HOMER2: variants seen among roughly 807,000 people sequenced by gnomAD.
HOMER2 encodes the protein homer protein homolog 2.
Under a neutral mutation model 47.0 loss-of-function variants are expected in HOMER2, and 27 were observed. The ratio of observed to expected loss-of-function variants is 0.57; its 90% CI spans 0.42 to 0.79. The LOEUF (loss-of-function observed/expected upper bound fraction) is 0.79. Ranked by LOEUF, HOMER2 falls within the 30% of genes least tolerant of loss-of-function variation. HOMER2 has a pLI of 0.00. For missense variants in HOMER2, 443 were observed against 435.0 expected, an observed-to-expected ratio of 1.02 and a Z score of -0.16; for synonymous variants, 161 against 163.8, an observed-to-expected ratio of 0.98 and a Z score of 0.13.
intron 1 of HOMER2, among the ~76,000 whole-genome samples, chr15:82,935,146 C>T (rs1290797273): frequency 6.6e-6 from 1 of 152,212 alleles, no homozygotes; most frequent in Non-Finnish European, 1.5e-5. Context: ...TCAATGCTTC[C>T]CTCCGCACCT....
intron 2 of HOMER2, among the ~76,000 whole-genome samples, chr15:82,882,884 T>C (rs1428562783): frequency 1.2e-4 from 3 of 24,716 alleles, no homozygotes; most frequent in Admixed American, 4.6e-4. Context: ...GCCACTGCTT[T>C]TTTTTTTTTT....
At chr15:82,855,683 A>G (rs1490875866) in intron 5 of HOMER2, among the ~76,000 whole-genome samples, 1 of 152,240 alleles carries the variant, frequency 6.6e-6, no homozygotes, top group South Asian at 2.1e-4. Context: ...TGGGGGCACA[A>G]CAGGGGTCTG....
At position 82,933,942 on chromosome 15, in the gene HOMER2, C is replaced by T. The variant is rs117982746; in HGVS notation, c.5+18589G>A. 1.6e-4 allele frequency among the ~76,000 whole-genome samples: 24 copies of T among 152,272 alleles called. No individual in the cohort carries two copies. In the South Asian group the frequency reaches 2.3e-3, roughly 14 times the overall value. On this transcript the variant is annotated intron_variant, in intron 1 of 8. Transcript: ENST00000450735. Reference sequence around the variant, plus strand: ...CACACTTCCCTGCCACCCAGCAACACGCAGAGTTCTCCCTGCCCTGGATGT... The same window carrying T: ...CACACTTCCCTGCCACCCAGCAACATGCAGAGTTCTCCCTGCCCTGGATGT...
chr15:82,863,092 CCT>C (rs2051847433), intron 4 of HOMER2, among the ~76,000 whole-genome samples: 1 of 152,118 alleles, frequency 6.6e-6, no homozygotes, highest in South Asian at 2.1e-4. Context: ...AGCTACTGCC[CCT>C]GTGAGGCTGA....
chr15:82,873,773 C>T (rs138613689), intron 3 of HOMER2, among the ~76,000 whole-genome samples: 4 of 152,302 alleles, frequency 2.6e-5, no homozygotes, highest in East Asian at 1.9e-4. Context: ...ACAGAGTCTT[C>T]GTGGAAGTTC....
At chr15:82,984,832 A>C (rs1348184202) in intron 1 of HOMER2, among the ~76,000 whole-genome samples, 1 of 152,156 alleles carries the variant, frequency 6.6e-6, no homozygotes, top group East Asian at 1.9e-4. Flanking sequence ...ACAAACAAAC[A>C]AACAAACAAA....
chr15:82,868,631 G>A lies in HOMER2; in HGVS notation c.295-4372C>T, dbSNP rs562600924. On this transcript the variant is annotated intron_variant, in intron 3 of 8. Coordinates refer to ENST00000450735, the MANE Select transcript of HOMER2 (RefSeq NM_004839.4). ...TGGTACGATCTTGGCTCACTGCAAC[G>A]TCCACCTCCCAGGCTCAGGTGATTC... 3.7e-3 allele frequency among the ~76,000 whole-genome samples: 530 copies of A among 143,194 alleles called. 6 individuals are homozygous for A. The highest frequency in any genetic ancestry group is 4.0e-3 in the Non-Finnish European group (264 of 66,102). The allele number at this position is 143,194 out of a possible 152,430, so 93.9% of individuals were successfully genotyped here. A position where few individuals can be genotyped will look rare whatever the true frequency, so the allele number is the denominator to read the frequency against.
chr15:82,868,307 T>C (rs2052045160), intron 3 of HOMER2, among the ~76,000 whole-genome samples: 1 of 151,004 alleles, frequency 6.6e-6, no homozygotes, highest in Admixed American at 6.6e-5. Flanking sequence ...GATAGTCTCT[T>C]TTGCTGTACA....
exon 2 of HOMER2, chr15:82,840,400 ATAC>A (rs1249789661): frequency 2.6e-5 from 4 of 152,252 alleles, no homozygotes; most frequent in Admixed American, 6.5e-5. Context: ...AGGAAGCAGA[ATAC>A]TACAACTCCA....
chr15:82,972,611 G>C (rs1399543036), intron 1 of HOMER2, among the ~76,000 whole-genome samples: 2 of 152,006 alleles, frequency 1.3e-5, no homozygotes, highest in African/African-American at 2.4e-5. Flanking sequence ...GGGCCTCCCA[G>C]GTGGAGGTTG....
chr15:82,865,685 C>G (rs2051942615), intron 3 of HOMER2, among the ~76,000 whole-genome samples: 1 of 152,228 alleles, frequency 6.6e-6, no homozygotes, highest in Non-Finnish European at 1.5e-5. Context: ...TGTGTGCAGT[C>G]TACAGACTTG....
chr15:82,982,992 T>C (rs1185250727), intron 1 of HOMER2, among the ~76,000 whole-genome samples: 1 of 152,172 alleles, frequency 6.6e-6, no homozygotes, highest in Non-Finnish European at 1.5e-5. Flanking sequence ...CGGGGTTATG[T>C]CCAGATAAAC....
chr15:82,975,999 A>C (rs893569124), intron 1 of HOMER2, among the ~76,000 whole-genome samples: 1 of 152,166 alleles, frequency 6.6e-6, no homozygotes, highest in Non-Finnish European at 1.5e-5. Context: ...ACCCATATAA[A>C]TTAAAATTAA....
At chr15:82,856,328 C>G (rs2051584930) in intron 5 of HOMER2, among the ~76,000 whole-genome samples, 1 of 152,072 alleles carries the variant, frequency 6.6e-6, no homozygotes, top group South Asian at 2.1e-4. Flanking sequence ...AAAAACAGCT[C>G]TCAGTTGGGT....
Sources: gnomAD v4.1 joint callset for allele counts (sites outside exome capture counted in the v4.1 genomes callset) on GRCh38, gnomAD v4.1.1 for gene constraint, MANE v1.5 for transcripts, NCBI Gene and HGNC (gene_info 2026-07-23, HGNC 2026-07-21) for gene names.